MTBP: variants seen among roughly 807,000 people sequenced by gnomAD.
MTBP encodes MDM2 binding protein.
MTBP carries 101 observed loss-of-function variants against 117.0 expected under a neutral mutation model. The observed-to-expected ratio is 0.86, with a 90% CI of 0.73 to 1.02. The LOEUF (loss-of-function observed/expected upper bound fraction) is 1.02, where lower values mean the gene tolerates loss of function less well. MTBP is among the 50% of genes least tolerant of loss of function. The pLI is 0.00. For synonymous variants in MTBP, 350 were observed against 351.5 expected (o/e 1.00, Z 0.05); for missense variants, 970 against 1,030.9 (o/e 0.94, Z 0.81).
rs765250461 is a variant in MTBP at position 120,502,517 on chromosome 8, C to T, written c.1635C>T (p.Ser545=). Residue 545 remains serine, a synonymous_variant, in exon 15 of 22, where the codon TCC becomes TCT. Coordinates refer to ENST00000305949, the MANE Select transcript of MTBP (RefSeq NM_022045.5). ...ATTTTAGTCCAGTGGAACCTAATTC[C>T]TCAAGTCTAATGGAAACCAATCCTC... ...LNDFSPVEPN[S]SSLMETNPLE... 1.2e-6 allele frequency: 2 copies of T among 1,600,488 alleles called. No individual in the cohort carries two copies. Among genetic ancestry groups the T allele is most frequent in the East Asian group, 4.5e-5 (2 of 44,590 alleles).
At chr8:120,450,277 G>A (rs958984383) in intron 2 of MTBP, among the ~76,000 whole-genome samples, 2 of 152,176 alleles carry the variant, frequency 1.3e-5, no homozygotes, top group South Asian at 4.1e-4. Context: ...TCTTTCCTGA[G>A]AGGATGTTAC....
chr8:120,484,380 A>G (rs564087091), intron 11 of MTBP, among the ~76,000 whole-genome samples: 1 of 152,192 alleles, frequency 6.6e-6, no homozygotes, highest in Admixed American at 6.5e-5. Context: ...TTGTTACTTC[A>G]TCATTGTTTT....
chr8:120,451,038 T>G lies in MTBP; in HGVS notation c.235T>G (p.Trp79Gly), dbSNP rs1345794370. The change falls in exon 3 of 22, where the codon TGG (tryptophan) becomes GGG (glycine). Residue 79 changes from tryptophan to glycine, a missense_variant. Transcript: ENST00000305949. ...GGGAGGTATACCTGGTTCCAAGAAG[T>G]GGTTCTTTGCAGTGCAGGCAATATA... is the stretch of plus-strand genomic sequence containing the variant. ...SVGGIPGSKK[W>G]FFAVQAIYGF... 1.2e-6 allele frequency: 2 copies of G among 1,612,672 alleles called. No homozygotes were observed. The highest frequency in any genetic ancestry group is 1.7e-4 in the Middle Eastern group (1 of 6,010).
At chr8:120,500,779 A>G (rs2130599443) in intron 14 of MTBP, among the ~76,000 whole-genome samples, 1 of 152,304 alleles carries the variant, frequency 6.6e-6, no homozygotes, top group African/African-American at 2.4e-5. Context: ...TTAACAGGCC[A>G]GGCGTGGTGG....
At chr8:120,486,695 C>T (rs1476259160) in intron 11 of MTBP, among the ~76,000 whole-genome samples, 3 of 152,058 alleles carry the variant, frequency 2.0e-5, no homozygotes, top group African/African-American at 7.2e-5. Context: ...TGGCCACAGC[C>T]GCTTGGATTG....
chr8:120,508,421 CTAGA>C (rs1814736071), intron 16 of MTBP, among the ~76,000 whole-genome samples: 2 of 152,122 alleles, frequency 1.3e-5, no homozygotes, highest in African/African-American at 4.8e-5. Flanking sequence ...AAGTAAAATG[CTAGA>C]TAAAGATTTC....
At chr8:120,481,030 T>C (rs1307271431) in intron 11 of MTBP, among the ~76,000 whole-genome samples, 1 of 152,208 alleles carries the variant, frequency 6.6e-6, no homozygotes, top group African/African-American at 2.4e-5. Context: ...AATGCTTGAA[T>C]AGACATTTCA....
rs762700935 is a variant in MTBP, at chr8:120,456,595, A to G, written c.672A>G (p.Val224=). Residue 224 remains valine (V), a synonymous_variant, in exon 7 of 22, where the codon GTA becomes GTG. Coordinates refer to ENST00000305949, the MANE Select transcript of MTBP (RefSeq NM_022045.5). ...CAGAATACCTTTCTGCTAATGTTGT[A>G]TCTTTAGAAGATCTCAGAAATGTTA... ...KIAEYLSANV[V]SLEDLRNVID... 10 of 1,599,364 alleles carry G rather than the reference A, an allele frequency of 6.3e-6. No homozygotes were observed. In the Admixed American group the frequency reaches 6.8e-5, roughly 11 times the overall value.
intron 15 of MTBP, 46 bp downstream of exon 15, chr8:120,502,655 GA>G (rs1429307547): frequency 1.7e-6 from 2 of 1,184,060 alleles, no homozygotes; most frequent in Admixed American, 4.5e-5. Flanking sequence ...TCAGTAATTT[GA>G]ATGAATTTTT....
intron 14 of MTBP, among the ~76,000 whole-genome samples, chr8:120,500,459 C>T (rs754196320): frequency 6.6e-6 from 1 of 151,984 alleles, no homozygotes; most frequent in Non-Finnish European, 1.5e-5. Flanking sequence ...TGCTTATATT[C>T]TTTTATGAAC....
chr8:120,481,415 CTA>C (rs1266743044), intron 11 of MTBP, among the ~76,000 whole-genome samples: 5 of 151,172 alleles, frequency 3.3e-5, no homozygotes, highest in African/African-American at 9.7e-5. Flanking sequence ...CACTTGGAAA[CTA>C]TGCAAATATT....
At chr8:120,491,380 T>C (rs2130585624) in intron 13 of MTBP, among the ~76,000 whole-genome samples, 1 of 152,282 alleles carries the variant, frequency 6.6e-6, no homozygotes, top group South Asian at 2.1e-4. Context: ...TTGGTCTCAA[T>C]TATTCATGTA....
intron 11 of MTBP, among the ~76,000 whole-genome samples, chr8:120,474,899 A>G (rs902239907): frequency 3.3e-5 from 5 of 152,052 alleles, no homozygotes; most frequent in Non-Finnish European, 5.9e-5. Flanking sequence ...AAAGCAAGGT[A>G]TGCAATAGTT....
chr8:120,497,632 G>T, intron 14 of MTBP, 78 bp downstream of exon 14: 1 of 862,662 alleles, frequency 1.2e-6, no homozygotes, highest in Non-Finnish European at 1.7e-6. Flanking sequence ...CTTATAAAAT[G>T]TATTGGTCAA....
Position 120,518,045 on chromosome 8 carries a change from A to G in MTBP, c.2441A>G (p.His814Arg), listed in dbSNP as rs1304811083. ...TKTSSGQKSMHESKTSRQIKE... is the reference protein window; with the variant it reads ...TKTSSGQKSMRESKTSRQIKE... ...ACCAGTTCAGGTCAAAAAAGTATGC[A>G]TGAATCAAAAACATCAAGGCAAATT... Residue 814 changes from histidine (H) to arginine (R), a missense_variant, in exon 19 of 22, where the codon CAT becomes CGT. By Grantham distance (29) the His-to-Arg change is conservative. Transcript: ENST00000305949. The G allele has an allele frequency of 3.7e-6, 6 of 1,612,878 alleles. No homozygotes were observed. Among genetic ancestry groups the G allele is most frequent in the South Asian group, 1.1e-5 (1 of 91,030 alleles).
intron 18 of MTBP, among the ~76,000 whole-genome samples, chr8:120,516,823 T>C (rs987240314): frequency 2.6e-5 from 4 of 152,044 alleles, no homozygotes; most frequent in Non-Finnish European, 4.4e-5. Context: ...TGAATTCTTA[T>C]TGTATTTAAA....
chr8:120,471,631 T>C (rs1479841163), intron 11 of MTBP: 3 of 152,218 alleles, frequency 2.0e-5, no homozygotes, highest in Non-Finnish European at 2.9e-5. Flanking sequence ...AGTTTAACTG[T>C]ATGTTACACA....
chr8:120,463,708 A>G lies in MTBP; in HGVS notation c.994A>G (p.Thr332Ala). Reference sequence around the variant, plus strand: ...TTAGTACAGAGGATTGACAAACAGTACCAAACAGAATTCTGTGTTGCTGTT... The same window carrying G: ...TTAGTACAGAGGATTGACAAACAGTGCCAAACAGAATTCTGTGTTGCTGTT... The part of the protein sequence containing the change: ...IEFELGLTNS[T>A]KQNSVLLLEQ... The change falls in exon 10 of 22, where the codon ACC becomes GCC. Residue 332 changes from threonine (T) to alanine (A), a missense_variant. Transcript: ENST00000305949. 6.2e-7 allele frequency: 1 copy of G among 1,611,714 alleles called. No individual in the cohort carries two copies. Among genetic ancestry groups the G allele is most frequent in the Non-Finnish European group, 8.5e-7 (1 of 1,178,456 alleles).
chr8:120,460,513 A>G (rs191891599), intron 8 of MTBP, among the ~76,000 whole-genome samples: 23 of 152,258 alleles, frequency 1.5e-4, no homozygotes, highest in Admixed American at 1.4e-3. Flanking sequence ...TTTGCCTTTC[A>G]TGTGAAGCAC....
Sources: gnomAD v4.1 joint callset for allele counts (sites outside exome capture counted in the v4.1 genomes callset) on GRCh38, gnomAD v4.1.1 for gene constraint, MANE v1.5 for transcripts, NCBI Gene and HGNC (gene_info 2026-07-23, HGNC 2026-07-21) for gene names.